Variants in RNF8 observed in about 807,000 individuals in gnomAD.
The protein encoded by RNF8 is ring finger protein 8, also known as E3 ubiquitin-protein ligase RNF8.
In RNF8, 8 loss-of-function variants were observed where a neutral mutation model predicts 59.3. The observed-to-expected ratio is 0.13, with a 90% CI of 0.08 to 0.24. The LOEUF (loss-of-function observed/expected upper bound fraction) is 0.24. Among genes scored for constraint, RNF8 ranks in the 10% least tolerant of loss-of-function variants. The pLI is 1.00. For missense variants in RNF8, 406 were observed against 572.6 expected (o/e 0.71, Z 2.97); for synonymous variants, 162 against 200.0 (o/e 0.81, Z 1.60).
At chr6:37,361,625 A>G (rs1277381724) in intron 2 of RNF8, 2 of 298,850 alleles carry the variant, frequency 6.7e-6, no homozygotes, top group East Asian at 1.2e-4. Context: ...GTGCCATTTC[A>G]TATTGCTTCA....
At chr6:37,385,388 G>A (rs999026401) in intron 7 of RNF8, among the ~76,000 whole-genome samples, 13 of 151,602 alleles carry the variant, frequency 8.6e-5, no homozygotes, top group Admixed American at 7.2e-4. Flanking sequence ...AGCACTTTGG[G>A]AGGCTGAGGG....
chr6:37,376,313 G>T (rs1770015405), intron 5 of RNF8, among the ~76,000 whole-genome samples: 1 of 152,156 alleles, frequency 6.6e-6, no homozygotes, highest in Non-Finnish European at 1.5e-5. Context: ...GAAGGAGACA[G>T]AATTTGCAAT....
rs195434 is a variant in RNF8, at chr6:37,392,781, T to C, written c.*2023T>C. On this transcript the variant is annotated 3_prime_UTR_variant, in exon 8 of 8. Coordinates refer to ENST00000373479, the MANE Select transcript of RNF8 (RefSeq NM_003958.4). The stretch of plus-strand genomic sequence containing the variant: ...GCTGCAGTTAACACCCTTGTACATA[T>C]ATCTTTAGAGAGAAGATATTTTAAA... 0.14 allele frequency: 57,555 copies of C among 397,926 alleles called. 10,313 individuals are homozygous for C. Among genetic ancestry groups the C allele is most frequent in the African/African-American group, 0.6 (29,090 of 48,664 alleles). 24.6% of individuals were successfully genotyped at this position (397,926 alleles called of 1,614,324 possible). A position where few individuals can be genotyped will look rare whatever the true frequency, so the allele number is the denominator to read the frequency against.
Position 37,390,854 on chromosome 6 carries a change from G to A in RNF8, c.*96G>A. The stretch of plus-strand genomic sequence containing the variant: ...CTAGCCGTGACTCCGCTGCTCTGAA[G>A]GTCAACTGAGAAGTCTTGTGGGACA... On this transcript the variant is annotated 3_prime_UTR_variant, in exon 8 of 8. Coordinates refer to ENST00000373479, the MANE Select transcript of RNF8 (RefSeq NM_003958.4). 1 of 1,609,746 alleles carries A rather than the reference G, an allele frequency of 6.2e-7. No homozygotes were observed. Among genetic ancestry groups the A allele is most frequent in the Non-Finnish European group, 8.5e-7 (1 of 1,176,046 alleles).
chr6:37,354,905 C>T (rs769586141), intron 1 of RNF8, among the ~76,000 whole-genome samples: 3 of 152,228 alleles, frequency 2.0e-5, no homozygotes, highest in Non-Finnish European at 4.4e-5. Context: ...AGCAATCAAA[C>T]TTTCACGTAG....
chr6:37,374,430 C>G (rs1223049034), intron 4 of RNF8, among the ~76,000 whole-genome samples, 190 bp from the exon 5 acceptor site: 2 of 152,148 alleles, frequency 1.3e-5, no homozygotes, highest in Non-Finnish European at 2.9e-5. Context: ...CCTAACTGCC[C>G]TCTCCCCTGA....
At chr6:37,357,081 G>T (rs2269058) in intron 1 of RNF8, among the ~76,000 whole-genome samples, 63,921 of 152,108 alleles carry the variant, frequency 0.42, 15,602 homozygotes, top group East Asian at 0.66. Flanking sequence ...TTGTGCCCAG[G>T]AGGAAAGAGA....
At chr6:37,375,548 A>C (rs376094648) in intron 5 of RNF8, among the ~76,000 whole-genome samples, 7 of 152,206 alleles carry the variant, frequency 4.6e-5, no homozygotes, top group African/African-American at 1.7e-4. Flanking sequence ...CCATGTACCA[A>C]CCTAGAACTG....
chr6:37,387,188 A>G (rs1477104446), intron 7 of RNF8, among the ~76,000 whole-genome samples: 1 of 152,182 alleles, frequency 6.6e-6, no homozygotes, highest in Admixed American at 6.5e-5. Flanking sequence ...GCCTACTGCT[A>G]TGGTTCTTAA....
intron 7 of RNF8, among the ~76,000 whole-genome samples, chr6:37,388,555 A>T (rs1203685491): frequency 6.6e-6 from 1 of 152,182 alleles, no homozygotes; most frequent in Admixed American, 6.5e-5. Flanking sequence ...CATGAGAAAC[A>T]CCAACATTAG....
At chr6:37,354,625 C>T (rs1441925665) in intron 1 of RNF8, among the ~76,000 whole-genome samples, 3 of 151,936 alleles carry the variant, frequency 2.0e-5, no homozygotes, top group African/African-American at 4.8e-5. Flanking sequence ...AGAAGCGGGC[C>T]CCGTCCAGAG....
In RNF8 at chr6:37,392,428, C is replaced by T. The variant is rs1581706086; in HGVS notation, c.*1670C>T. Reference sequence around the variant, plus strand: ...GTACAAAATGGCGTAGAATGAAATGCCTCTCACCCTTTCCCCACAGCGACT... The same window carrying T: ...GTACAAAATGGCGTAGAATGAAATGTCTCTCACCCTTTCCCCACAGCGACT... On this transcript the variant is annotated 3_prime_UTR_variant, in exon 8 of 8. Transcript: ENST00000373479. 2 of 398,500 alleles carry T rather than the reference C, an allele frequency of 5.0e-6. No individual in the cohort carries two copies. The highest frequency in any genetic ancestry group is 8.8e-6 in the Non-Finnish European group (2 of 226,040). The allele number at this position is 398,500 out of a possible 1,614,324, so 24.7% of individuals were successfully genotyped here. A position where few individuals can be genotyped will look rare whatever the true frequency, so the allele number is the denominator to read the frequency against.
At chr6:37,356,550 A>G (rs567919381) in intron 1 of RNF8, among the ~76,000 whole-genome samples, 18 of 152,364 alleles carry the variant, frequency 1.2e-4, no homozygotes, top group African/African-American at 3.8e-4. Flanking sequence ...AAAGCAATGC[A>G]TAGAGTTTGG....
intron 5 of RNF8, among the ~76,000 whole-genome samples, chr6:37,375,401 A>T (rs1769972850): frequency 6.6e-6 from 1 of 152,242 alleles, no homozygotes; most frequent in Non-Finnish European, 1.5e-5. Context: ...CAACAACTTC[A>T]GCTTTTTGTG....
At chr6:37,377,283 G>T (rs1340515622) in intron 6 of RNF8, among the ~76,000 whole-genome samples, 1 of 151,872 alleles carries the variant, frequency 6.6e-6, no homozygotes, top group East Asian at 1.9e-4. Context: ...TGCCATGTTG[G>T]CTAGGCTAGT....
intron 1 of RNF8, among the ~76,000 whole-genome samples, chr6:37,359,945 G>T (rs1158203016): frequency 6.6e-6 from 1 of 152,200 alleles, no homozygotes; most frequent in Non-Finnish European, 1.5e-5. Flanking sequence ...ACAGAACCAG[G>T]AAAAGAGAAA....
At chr6:37,366,953 C>G (rs147447271) in intron 2 of RNF8, among the ~76,000 whole-genome samples, 1 of 152,228 alleles carries the variant, frequency 6.6e-6, no homozygotes, top group Non-Finnish European at 1.5e-5. Flanking sequence ...TTTGCATTTA[C>G]AGGCTATGCC....
At position 37,357,639 on chromosome 6, in the gene RNF8, T is replaced by G. The variant is rs150064110; in HGVS notation, c.112-2807T>G. ...TATAATTAATATAATTCTGGCAGAGTGTGAAAGAACTGAAAAACTTTGTGC... is the reference window on the plus strand; with the variant it reads ...TATAATTAATATAATTCTGGCAGAGGGTGAAAGAACTGAAAAACTTTGTGC... On this transcript the variant is annotated intron_variant, in intron 1 of 7. Coordinates refer to ENST00000373479, the MANE Select transcript of RNF8 (RefSeq NM_003958.4). 9.5e-3 allele frequency among the ~76,000 whole-genome samples: 1,448 copies of G among 152,196 alleles called. 6 individuals carry two copies. The highest frequency in any genetic ancestry group is 0.014 in the Non-Finnish European group (959 of 68,000).
intron 6 of RNF8, among the ~76,000 whole-genome samples, chr6:37,380,076 C>G (rs1404898247): frequency 1.3e-5 from 2 of 151,928 alleles, no homozygotes; most frequent in African/African-American, 4.8e-5. Context: ...CCATGCCTGG[C>G]TATTTTTTTT....
Sources: gnomAD v4.1 joint callset for allele counts (sites outside exome capture counted in the v4.1 genomes callset) on GRCh38, gnomAD v4.1.1 for gene constraint, MANE v1.5 for transcripts, NCBI Gene and HGNC (gene_info 2026-07-23, HGNC 2026-07-21) for gene names.